Variants in FNDC3A observed in about 807,000 individuals in gnomAD.
The protein encoded by FNDC3A is fibronectin type-III domain-containing protein 3A.
Under a neutral mutation model 148.9 loss-of-function variants are expected in FNDC3A, and 32 were observed. The observed-to-expected ratio is 0.21, with a 90% CI of 0.16 to 0.29. The LOEUF (loss-of-function observed/expected upper bound fraction) is 0.29. FNDC3A is among the 10% of genes least tolerant of loss of function. The probability of loss-of-function intolerance (pLI) is 1.00; values close to 1 mark genes in which losing one functional copy is unlikely to be tolerated. For synonymous variants in FNDC3A, 472 were observed against 473.6 expected (o/e 1.00, Z 0.04); for missense variants, 1,191 against 1,452.8 (o/e 0.82, Z 2.93).
At chr13:49,063,515 A>C (rs904838469) in intron 2 of FNDC3A, among the ~76,000 whole-genome samples, 19 of 152,240 alleles carry the variant, frequency 1.2e-4, no homozygotes, top group Non-Finnish European at 2.6e-4. Flanking sequence ...TCCAATTAGC[A>C]GCAGTTACAA....
chr13:49,066,842 C>G (rs909163490), intron 2 of FNDC3A, among the ~76,000 whole-genome samples: 1 of 152,166 alleles, frequency 6.6e-6, no homozygotes, highest in Non-Finnish European at 1.5e-5. Context: ...TTTCCCCTCA[C>G]TGCCCTCAAA....
At chr13:49,187,945 A>G (rs113757083) in intron 16 of FNDC3A, among the ~76,000 whole-genome samples, 98 of 152,270 alleles carry the variant, frequency 6.4e-4, no homozygotes, top group African/African-American at 2.0e-3. Context: ...AAGTCATTAG[A>G]TACTATGAAT....
chr13:49,112,180 A>C (rs1880621414), intron 3 of FNDC3A, among the ~76,000 whole-genome samples: 1 of 152,214 alleles, frequency 6.6e-6, no homozygotes, highest in Non-Finnish European at 1.5e-5. Flanking sequence ...CCACAGTAAA[A>C]GTGCAATGCT....
At chr13:49,013,727 C>T (rs1441293279) in intron 2 of FNDC3A, among the ~76,000 whole-genome samples, 2 of 144,194 alleles carry the variant, frequency 1.4e-5, no homozygotes, top group South Asian at 2.3e-4. Flanking sequence ...AGGTATATCT[C>T]CCAATGCTAT....
intron 3 of FNDC3A, among the ~76,000 whole-genome samples, chr13:49,087,216 G>A (rs951894824): frequency 6.6e-6 from 1 of 152,000 alleles, no homozygotes; most frequent in African/African-American, 2.4e-5. Context: ...CAAAAATATT[G>A]ATTAAAAAAA....
intron 4 of FNDC3A, among the ~76,000 whole-genome samples, chr13:49,126,625 TA>T (rs1486287408): frequency 6.6e-6 from 1 of 152,138 alleles, no homozygotes; most frequent in Non-Finnish European, 1.5e-5. Context: ...GCCCACAAAG[TA>T]GATAAGAACA....
chr13:49,100,410 G>A (rs1387974803), intron 3 of FNDC3A, among the ~76,000 whole-genome samples: 1 of 152,036 alleles, frequency 6.6e-6, no homozygotes, highest in Non-Finnish European at 1.5e-5. Flanking sequence ...AGCTCAGCCA[G>A]CCTGAAAGAT....
At chr13:49,183,956 G>T (rs1178034396) in intron 14 of FNDC3A, among the ~76,000 whole-genome samples, 2 of 152,310 alleles carry the variant, frequency 1.3e-5, no homozygotes, top group East Asian at 3.9e-4. Context: ...GACTACAACA[G>T]ATATTCTGAT....
At chr13:49,119,766 A>C (rs1275011156) in intron 4 of FNDC3A, among the ~76,000 whole-genome samples, 1 of 151,982 alleles carries the variant, frequency 6.6e-6, no homozygotes, top group East Asian at 1.9e-4. Flanking sequence ...TTAATGAAAT[A>C]AAGTGTGAAG....
At chr13:49,045,237 T>C (rs923479589) in intron 2 of FNDC3A, among the ~76,000 whole-genome samples, 3 of 151,984 alleles carry the variant, frequency 2.0e-5, no homozygotes, top group Admixed American at 1.3e-4. Flanking sequence ...AACTGCAACC[T>C]CTGTCTCCCA....
At chr13:49,057,080 A>C (rs1415005631) in intron 2 of FNDC3A, among the ~76,000 whole-genome samples, 1 of 152,120 alleles carries the variant, frequency 6.6e-6, no homozygotes, top group Non-Finnish European at 1.5e-5. Flanking sequence ...TTTTCCAGGT[A>C]CTCAGGCTTG....
intron 2 of FNDC3A, among the ~76,000 whole-genome samples, chr13:49,049,967 C>T (rs1875715789): frequency 6.6e-6 from 1 of 152,150 alleles, no homozygotes; most frequent in Non-Finnish European, 1.5e-5. Flanking sequence ...TGATCCACCC[C>T]TCTTGGCCTC....
intron 4 of FNDC3A, among the ~76,000 whole-genome samples, chr13:49,118,327 A>G (rs1881100887): frequency 6.6e-6 from 1 of 152,150 alleles, no homozygotes; most frequent in South Asian, 2.1e-4. Context: ...TCCGGCCCAG[A>G]TACCACACTT....
At chr13:49,031,490 G>A (rs1265816385) in intron 2 of FNDC3A, among the ~76,000 whole-genome samples, 1 of 152,072 alleles carries the variant, frequency 6.6e-6, no homozygotes, top group Non-Finnish European at 1.5e-5. Context: ...TTACATTTAT[G>A]GTCATTTGGT....
chr13:49,201,419 ATGAC>A (rs1886413388), intron 23 of FNDC3A, among the ~76,000 whole-genome samples: 1 of 152,144 alleles, frequency 6.6e-6, no homozygotes, highest in Non-Finnish European at 1.5e-5. Context: ...TTTTATCAAT[ATGAC>A]TTTAGTTAGA....
chr13:49,064,201 C>T (rs570276373), intron 2 of FNDC3A, among the ~76,000 whole-genome samples: 1 of 152,082 alleles, frequency 6.6e-6, no homozygotes, highest in East Asian at 1.9e-4. Flanking sequence ...ATTAGCCGGG[C>T]ATGGTGGCAG....
At chr13:49,062,379 G>T (rs1847588087) in intron 2 of FNDC3A, among the ~76,000 whole-genome samples, 1 of 152,134 alleles carries the variant, frequency 6.6e-6, no homozygotes, top group Admixed American at 6.5e-5. Flanking sequence ...TAATAGTGTT[G>T]CCTGAAGGTT....
intron 19 of FNDC3A, among the ~76,000 whole-genome samples, chr13:49,191,602 TTG>T (rs1885891250): frequency 6.6e-6 from 1 of 152,214 alleles, no homozygotes; most frequent in Non-Finnish European, 1.5e-5. Flanking sequence ...CACTTACAGT[TTG>T]TGACACTTTG....
chr13:49,148,378 T>C (rs1209782407), intron 8 of FNDC3A, among the ~76,000 whole-genome samples: 1 of 152,210 alleles, frequency 6.6e-6, no homozygotes, highest in Non-Finnish European at 1.5e-5. Context: ...CCTTCTTGTG[T>C]TTATTTTTAT....
Sources: gnomAD v4.1 joint callset for allele counts (sites outside exome capture counted in the v4.1 genomes callset) on GRCh38, gnomAD v4.1.1 for gene constraint, MANE v1.5 for transcripts, NCBI Gene and HGNC (gene_info 2026-07-23, HGNC 2026-07-21) for gene names.